The following PMFBP1 variants were observed in gnomAD, a reference collection of about 807,000 sequenced individuals.
The protein encoded by PMFBP1 is polyamine-modulated factor 1-binding protein 1.
A neutral mutation model predicts 137.8 loss-of-function variants in PMFBP1; 131 were observed. The observed-to-expected ratio is 0.95, with a 90% CI of 0.82 to 1.10. The LOEUF (loss-of-function observed/expected upper bound fraction) is 1.10, where lower values mean the gene tolerates loss of function less well. PMFBP1 is among the 50% of genes least tolerant of loss of function. The pLI is 0.00. For missense variants in PMFBP1, 1,199 were observed against 1,175.4 expected, an observed-to-expected ratio of 1.02 and a Z score of -0.29; for synonymous variants, 490 against 450.4, an observed-to-expected ratio of 1.09 and a Z score of -1.11.
At chr16:72,161,830 T>C (rs2043067082) in intron 3 of PMFBP1, among the ~76,000 whole-genome samples, 2 of 152,228 alleles carry the variant, frequency 1.3e-5, no homozygotes, top group South Asian at 2.1e-4. Context: ...TGAAATATTT[T>C]TTTTCATTCC....
At chr16:72,231,918 T>A in the PMFBP1 span, among the ~76,000 whole-genome samples, 71 of 152,338 alleles carry the variant, frequency 4.7e-4, no homozygotes, top group African/African-American at 1.5e-3. Flanking sequence ...AAGACACCCA[T>A]TTGTCATCTG....
At chr16:72,164,317 T>TGA in intron 3 of PMFBP1, 1 of 978,964 alleles carries the variant, frequency 1.0e-6, no homozygotes, top group Admixed American at 2.3e-5. Flanking sequence ...TTGCAGGCAG[T>TGA]GAGACGCAGG....
the PMFBP1 span, among the ~76,000 whole-genome samples, chr16:72,210,231 T>C: frequency 6.6e-6 from 1 of 152,112 alleles, no homozygotes; most frequent in Non-Finnish European, 1.5e-5. Context: ...CCAGAACAAA[T>C]ACTTGTTTGA....
intron 5 of PMFBP1, among the ~76,000 whole-genome samples, chr16:72,144,833 A>C (rs2042780903): frequency 6.6e-6 from 1 of 152,218 alleles, no homozygotes; most frequent in African/African-American, 2.4e-5. Flanking sequence ...AGAGCTAACT[A>C]TCCTAAATAT....
intron 10 of PMFBP1, 131 bp from the exon 11 acceptor site, chr16:72,130,853 C>G: frequency 1.3e-6 from 1 of 790,812 alleles, no homozygotes; most frequent in Non-Finnish European, 2.0e-6. Context: ...TCATTTCTCT[C>G]CATTTCATGA....
chr16:72,166,995 T>A (rs534486883), intron 2 of PMFBP1, among the ~76,000 whole-genome samples: 83 of 152,348 alleles, frequency 5.4e-4, no homozygotes, highest in African/African-American at 1.9e-3. Flanking sequence ...GAGAGCACAT[T>A]CCTCCTGACC....
intron 9 of PMFBP1, among the ~76,000 whole-genome samples, chr16:72,133,475 A>G (rs2042578824): frequency 6.6e-6 from 1 of 151,982 alleles, no homozygotes; most frequent in Admixed American, 6.6e-5. Flanking sequence ...CACCGTACCC[A>G]GCCGTTTATT....
At chr16:72,244,216 T>C in the PMFBP1 span, among the ~76,000 whole-genome samples, 1 of 151,910 alleles carries the variant, frequency 6.6e-6, no homozygotes, top group Non-Finnish European at 1.5e-5. Flanking sequence ...AAATACTTAT[T>C]AAAAAAACAA....
the PMFBP1 span, among the ~76,000 whole-genome samples, chr16:72,195,213 C>A: frequency 6.6e-6 from 1 of 152,196 alleles, no homozygotes. Flanking sequence ...CAGTGCAGGA[C>A]TCCTCAATAG....
chr16:72,152,968 G>A (rs1260547888), intron 4 of PMFBP1, among the ~76,000 whole-genome samples: 2 of 151,882 alleles, frequency 1.3e-5, no homozygotes, highest in African/African-American at 2.4e-5. Context: ...CCTTAGACCT[G>A]ATGACACACA....
rs115472453 is a variant in PMFBP1, at chr16:72,171,181, G to A, written c.12+16C>T. On this transcript the variant is annotated intron_variant, in intron 2 of 20. Coordinates refer to ENST00000237353, the MANE Select transcript of PMFBP1 (RefSeq NM_031293.3). ...AATATTCAACTCCATGCATGTAGAGGAGTTAGGAGCCTTACCTCATCTTTC... is the reference window on the plus strand; with the variant it reads ...AATATTCAACTCCATGCATGTAGAGAAGTTAGGAGCCTTACCTCATCTTTC... The A allele has an allele frequency of 3.1e-4, 497 of 1,613,324 alleles. 2 individuals carry two copies. The African/African-American group carries it at 6.0e-3, about 19-fold the overall frequency.
chr16:72,158,893 G>A (rs2043021360), intron 3 of PMFBP1, among the ~76,000 whole-genome samples: 1 of 152,158 alleles, frequency 6.6e-6, no homozygotes, highest in African/African-American at 2.4e-5. Flanking sequence ...TACTTGGGAG[G>A]CTGAGGCGAG....
At chr16:72,156,030 A>G (rs1305614881) in intron 3 of PMFBP1, among the ~76,000 whole-genome samples, 1 of 152,184 alleles carries the variant, frequency 6.6e-6, no homozygotes, top group African/African-American at 2.4e-5. Flanking sequence ...TCCATTGCCC[A>G]GGCTGGAGTG....
chr16:72,231,685 A>G, the PMFBP1 span, among the ~76,000 whole-genome samples: 2 of 152,216 alleles, frequency 1.3e-5, no homozygotes, highest in South Asian at 4.1e-4. Context: ...TCAAAGAAAT[A>G]TAAAATACAA....
At chr16:72,125,898 G>C (rs112521731) in intron 15 of PMFBP1, 70 bp downstream of exon 15, 3 of 1,553,600 alleles carry the variant, frequency 1.9e-6, no homozygotes. Context: ...ATTGGCTCCT[G>C]TGCTTCTCCC....
chr16:72,216,813 C>G, the PMFBP1 span, among the ~76,000 whole-genome samples: 1 of 152,186 alleles, frequency 6.6e-6, no homozygotes, highest in Non-Finnish European at 1.5e-5. Context: ...CAGTGTACCC[C>G]CTTTTTGTTC....
chr16:72,234,804 C>A, the PMFBP1 span, among the ~76,000 whole-genome samples: 1 of 152,154 alleles, frequency 6.6e-6, no homozygotes, highest in Non-Finnish European at 1.5e-5. Context: ...TGATACTGAG[C>A]ATGTTTTTAT....
At chr16:72,185,773 G>T in the PMFBP1 span, among the ~76,000 whole-genome samples, 1 of 152,170 alleles carries the variant, frequency 6.6e-6, no homozygotes, top group African/African-American at 2.4e-5. Context: ...CTGAAAGAAT[G>T]AAGAGTCAAA....
the PMFBP1 span, among the ~76,000 whole-genome samples, chr16:72,206,951 G>T: frequency 6.6e-6 from 1 of 152,104 alleles, no homozygotes; most frequent in African/African-American, 2.4e-5. Flanking sequence ...ATGTTTCAGA[G>T]TTGGAAGGAA....
Sources: allele counts gnomAD v4.1 joint callset (sites outside exome capture counted in the v4.1 genomes callset), GRCh38; gene constraint gnomAD v4.1.1; transcripts MANE v1.5; gene names NCBI Gene and HGNC (gene_info 2026-07-23, HGNC 2026-07-21).